The following IL1RAPL2 variants were observed in gnomAD, a reference collection of about 807,000 sequenced individuals.
IL1RAPL2 encodes interleukin 1 receptor accessory protein like 2, also known as X-linked interleukin-1 receptor accessory protein-like 2.
Under a neutral mutation model 44.1 loss-of-function variants are expected in IL1RAPL2, and 3 were observed. The observed-to-expected ratio is 0.07, with a 90% CI of 0.03 to 0.18. The LOEUF (loss-of-function observed/expected upper bound fraction) is 0.18, where lower values mean the gene tolerates loss of function less well. Among genes scored for constraint, IL1RAPL2 ranks in the 10% least tolerant of loss-of-function variants. The pLI is 1.00. For synonymous variants in IL1RAPL2, 181 were observed against 178.8 expected (o/e 1.01, Z -0.10); for missense variants, 391 against 496.4 (o/e 0.79, Z 2.02).
intron 1 of IL1RAPL2, among the ~76,000 whole-genome samples, chrX:104,609,669 G>C (rs948479652): frequency 9.0e-6 from 1 of 111,504 alleles, no homozygotes; most frequent in Admixed American, 9.6e-5. Context: ...CATGCTTCAC[G>C]AAGTTCTCAT....
intron 5 of IL1RAPL2, among the ~76,000 whole-genome samples, chrX:105,404,670 A>C (rs780989912): frequency 1.7e-4 from 19 of 111,400 alleles, no homozygotes; most frequent in Non-Finnish European, 3.2e-4. Context: ...CAAATGGTTC[A>C]ACAAATATAT....
intron 8 of IL1RAPL2, among the ~76,000 whole-genome samples, chrX:105,742,849 A>G (rs2147577988): frequency 9.0e-6 from 1 of 111,644 alleles, no homozygotes; most frequent in South Asian, 3.7e-4. Context: ...TGTCCCAAAC[A>G]GGATTCCTAA....
chrX:104,775,954 G>A (rs969099556), intron 2 of IL1RAPL2, among the ~76,000 whole-genome samples: 1 of 110,777 alleles, frequency 9.0e-6, no homozygotes, highest in African/African-American at 3.3e-5. Flanking sequence ...ACAGTAATGG[G>A]TATATGAGGG....
At chrX:104,661,761 T>C (rs774663993) in intron 2 of IL1RAPL2, among the ~76,000 whole-genome samples, 54 of 112,008 alleles carry the variant, frequency 4.8e-4, no homozygotes, top group Non-Finnish European at 1.1e-4. Context: ...AGTCCTTTGC[T>C]CATTGCCAAT....
intron 6 of IL1RAPL2, among the ~76,000 whole-genome samples, chrX:105,528,703 A>G (rs1007483626): frequency 2.7e-5 from 3 of 111,016 alleles, no homozygotes; most frequent in African/African-American, 9.8e-5. Flanking sequence ...TCACCCCTAA[A>G]TTAGTTAGCA....
intron 3 of IL1RAPL2, among the ~76,000 whole-genome samples, chrX:105,207,896 A>C (rs1214217422): frequency 8.9e-6 from 1 of 112,504 alleles, no homozygotes; most frequent in Non-Finnish European, 1.9e-5. Flanking sequence ...TCCATCATAC[A>C]TGAGGGAAAG....
chrX:104,879,238 C>T (rs1241772276), intron 2 of IL1RAPL2, among the ~76,000 whole-genome samples: 1 of 109,736 alleles, frequency 9.1e-6, no homozygotes, highest in Non-Finnish European at 1.9e-5. Context: ...GCAATATCTC[C>T]AGATCAGTGA....
intron 2 of IL1RAPL2, among the ~76,000 whole-genome samples, chrX:104,788,107 G>A (rs1932807769): frequency 8.9e-6 from 1 of 112,198 alleles, no homozygotes; most frequent in Non-Finnish European, 1.9e-5. Flanking sequence ...TTTTACACAA[G>A]GATGGAGAAG....
At chrX:105,447,331 A>T (rs1394742896) in intron 5 of IL1RAPL2, among the ~76,000 whole-genome samples, 1 of 66,338 alleles carries the variant, frequency 1.5e-5, no homozygotes, top group East Asian at 4.9e-4. Context: ...AAATATATAT[A>T]AAAATATAAA....
chrX:105,172,105 T>C (rs982418244), intron 2 of IL1RAPL2, among the ~76,000 whole-genome samples: 3 of 111,603 alleles, frequency 2.7e-5, no homozygotes, highest in African/African-American at 9.8e-5. Context: ...GGGTAAAGGG[T>C]TTGAACAGAG....
intron 5 of IL1RAPL2, among the ~76,000 whole-genome samples, chrX:105,331,218 A>C (rs1306185332): frequency 3.6e-5 from 4 of 110,952 alleles, no homozygotes; most frequent in Non-Finnish European, 7.6e-5. Flanking sequence ...GGTCTGTCAC[A>C]CTGTTTGTGC....
In IL1RAPL2 at chrX:105,030,984, TA is replaced by T. The variant is rs1404563840; in HGVS notation, c.83-164490del. 1.4e-3 allele frequency among the ~76,000 whole-genome samples: 151 copies of T among 110,749 alleles called. 1 individual carries two copies. The highest frequency in any genetic ancestry group is 1.9e-3 in the Non-Finnish European group (103 of 52,857). On this transcript the variant is annotated intron_variant, in intron 2 of 10. Transcript: ENST00000372582. ...ATCCCTTGTAAGTTGGATTCCTAGG[TA>T]TTTTATTCTCTTTGAAGCAATTGTG...
chrX:105,077,407 A>C (rs1278423910), intron 2 of IL1RAPL2, among the ~76,000 whole-genome samples: 1 of 111,891 alleles, frequency 8.9e-6, no homozygotes, highest in Non-Finnish European at 1.9e-5. Context: ...TTCTGCAGAG[A>C]GGTCAGCTGT....
intron 6 of IL1RAPL2, among the ~76,000 whole-genome samples, chrX:105,575,954 G>T (rs2037047112): frequency 9.1e-6 from 1 of 110,332 alleles, no homozygotes. Flanking sequence ...CATGTTTGTT[G>T]GCCACATGTA....
At chrX:105,745,884 T>C (rs192811968) in intron 8 of IL1RAPL2, among the ~76,000 whole-genome samples, 23 of 111,407 alleles carry the variant, frequency 2.1e-4, no homozygotes, top group African/African-American at 7.2e-4. Context: ...GGCTTCACTT[T>C]GTTGACCTGG....
intron 2 of IL1RAPL2, among the ~76,000 whole-genome samples, chrX:105,056,020 A>G (rs1292307953): frequency 9.0e-6 from 1 of 111,069 alleles, no homozygotes; most frequent in Non-Finnish European, 1.9e-5. Flanking sequence ...GTGCTTAAGA[A>G]AACATTCAGA....
chrX:105,516,635 C>A (rs539299780), intron 6 of IL1RAPL2, among the ~76,000 whole-genome samples: 1 of 111,700 alleles, frequency 9.0e-6, no homozygotes, highest in Non-Finnish European at 1.9e-5. Flanking sequence ...CCCACTATAC[C>A]AATTAGAGTG....
chrX:105,061,991 C>A (rs191830796), intron 2 of IL1RAPL2, among the ~76,000 whole-genome samples: 151 of 111,569 alleles, frequency 1.4e-3, no homozygotes, highest in African/African-American at 4.7e-3. Context: ...CACTCTATAT[C>A]TTTTGATTGG....
In IL1RAPL2 at chrX:104,607,057, C is replaced by T. The variant is rs749448181; in HGVS notation, c.-20+40006C>T. 2.7e-5 allele frequency among the ~76,000 whole-genome samples: 3 copies of T among 111,636 alleles called. No homozygotes were observed. The South Asian group carries it at 1.1e-3, about 42-fold the overall frequency. The stretch of plus-strand genomic sequence containing the variant: ...AAAACAGACCTATAGACCAATGGAA[C>T]AGAACAGAGGCCTCGGGAACAACAC... On this transcript the variant is annotated intron_variant, in intron 1 of 10. Transcript: ENST00000372582.
Sources: allele counts gnomAD v4.1 joint callset (sites outside exome capture counted in the v4.1 genomes callset), GRCh38; gene constraint gnomAD v4.1.1; transcripts MANE v1.5; gene names NCBI Gene and HGNC (gene_info 2026-07-23, HGNC 2026-07-21).